The following ZNF608 variants were observed in gnomAD, a reference collection of about 807,000 sequenced individuals.
ZNF608 encodes the protein zinc finger protein 608, also known as renal carcinoma antigen NY-REN-36.
Under a neutral mutation model 109.0 loss-of-function variants are expected in ZNF608, and 12 were observed. The observed-to-expected ratio is 0.11, with a 90% CI of 0.07 to 0.18. The LOEUF is 0.18. ZNF608 is among the 10% of genes least tolerant of loss of function. The pLI is 1.00. For synonymous variants in ZNF608, 732 were observed against 717.4 expected (o/e 1.02, Z -0.33); for missense variants, 1,707 against 1,879.3 (o/e 0.91, Z 1.70).
chr5:124,683,072 T>C (rs28657024), intron 3 of ZNF608, among the ~76,000 whole-genome samples: 20,537 of 152,128 alleles, frequency 0.13, 1,533 homozygotes, highest in Non-Finnish European at 0.17. Flanking sequence ...GGAAGCAAGC[T>C]GCCATGTTGT....
At chr5:124,735,032 T>A (rs1217202220) in intron 2 of ZNF608, 1 of 152,198 alleles carries the variant, frequency 6.6e-6, no homozygotes, top group Non-Finnish European at 1.5e-5. Context: ...CCCAGTATAT[T>A]CGGCTTTCGG....
At chr5:124,643,386 A>T in intron 7 of ZNF608, 125 bp downstream of exon 7, 1 of 893,638 alleles carries the variant, frequency 1.1e-6, no homozygotes, top group East Asian at 2.5e-5. Context: ...ACGTATTAGG[A>T]TAAAACAGCA....
At chr5:124,746,062 A>G in intron 1 of ZNF608, 133 bp downstream of exon 1, 1 of 952,132 alleles carries the variant, frequency 1.1e-6, no homozygotes, top group Non-Finnish European at 1.3e-6. Context: ...AATGACCGCA[A>G]ATGAGTGTGT....
chr5:124,742,868 A>G (rs1749470953), intron 2 of ZNF608, among the ~76,000 whole-genome samples: 1 of 152,208 alleles, frequency 6.6e-6, no homozygotes. Context: ...ATCGCCAACT[A>G]TAGCAAAAAA....
At chr5:124,748,481 A>C (rs930173242), upstream of ZNF608, 1 of 955,968 alleles carries the variant, frequency 1.0e-6, no homozygotes, top group Non-Finnish European at 1.2e-6. Flanking sequence ...ATTCCCCTGC[A>C]TGAAGTCCCC....
In ZNF608 at chr5:124,728,514, T is replaced by C. The variant is rs370625689; in HGVS notation, c.906+15570A>G. Among the ~76,000 whole-genome samples, 13 of 152,262 alleles carry C rather than the reference T, an allele frequency of 8.5e-5. No individual in the cohort carries two copies. In the South Asian group the frequency reaches 1.2e-3, roughly 15 times the overall value. ...ACAGGAAGCACCTTCTCTTGACCTA[T>C]CTTACGCAGATTTTCCATAATCTGA... On this transcript the variant is annotated intron_variant, in intron 2 of 9. Coordinates refer to ENST00000513986, the MANE Select transcript of ZNF608 (RefSeq NM_020747.3).
rs1463229188 is a variant in ZNF608 at position 124,637,378 on chromosome 5, A to G, written c.*522T>C. 1 of 152,628 alleles carries G rather than the reference A, an allele frequency of 6.6e-6. No individual in the cohort carries two copies. Among genetic ancestry groups the G allele is most frequent in the Non-Finnish European group, 1.5e-5 (1 of 68,036 alleles). The allele number at this position is 152,628 out of a possible 1,614,324, so 9.5% of individuals were successfully genotyped here. A position where few individuals can be genotyped will look rare whatever the true frequency, so the allele number is the denominator to read the frequency against. The stretch of plus-strand genomic sequence containing the variant: ...GGTGCGTCTTTAACAGGAGCCACCA[A>G]ATAGACATCTAAATTGTACCAAAGT... On this transcript the variant is annotated 3_prime_UTR_variant, in exon 10 of 10. Transcript: ENST00000513986.
At chr5:124,703,603 T>A (rs1025904346) in intron 2 of ZNF608, among the ~76,000 whole-genome samples, 1 of 151,954 alleles carries the variant, frequency 6.6e-6, no homozygotes, top group African/African-American at 2.4e-5. Flanking sequence ...CCCATCCCTA[T>A]AAAAAAGTAT....
chr5:124,691,478 T>A (rs1217200998), intron 3 of ZNF608, among the ~76,000 whole-genome samples: 2 of 152,200 alleles, frequency 1.3e-5, no homozygotes, highest in African/African-American at 4.8e-5. Flanking sequence ...ACAATTCCAC[T>A]TCTGAGTTAT....
rs928114122 is a variant in ZNF608, at chr5:124,744,787, G to A, written c.203C>T (p.Pro68Leu). Residue 68 changes from proline to leucine, a missense_variant, in exon 2 of 10, where the codon CCG (proline) becomes CTG (leucine). Around this residue, in one of 7 missense-constraint regions of ZNF608, gnomAD observed 407 missense variants for 398.7 expected, o/e 1.02. Transcript: ENST00000513986. This position sits in a 1 kb window ranked among gnomAD's most constrained non-coding sequence, Gnocchi z 4.5. ...GGTAGCACCAGCCCCACTGGAGGCC[G>A]GACCTCCACAATCCTTGGAGTTGCT... ...SSSNSKDCGG[P>L]ASSGAGATAA... is the part of the protein sequence containing the mutation. 1 of 1,614,192 alleles carries A rather than the reference G, an allele frequency of 6.2e-7. No individual in the cohort carries two copies. The highest frequency in any genetic ancestry group is 2.2e-5 in the East Asian group (1 of 44,884).
intron 8 of ZNF608, among the ~76,000 whole-genome samples, chr5:124,640,036 C>A (rs1289378852): frequency 1.3e-5 from 2 of 152,074 alleles, no homozygotes; most frequent in African/African-American, 4.8e-5. Flanking sequence ...TCTTATTACA[C>A]TCAATACAAA....
At chr5:124,743,974 C>G in intron 2 of ZNF608, 110 bp downstream of exon 2, 2 of 1,451,054 alleles carry the variant, frequency 1.4e-6, no homozygotes, top group Non-Finnish European at 1.8e-6. Flanking sequence ...AGAAATCTCA[C>G]AAAGAACCAG....
chr5:124,652,347 C>G (rs1486032872), intron 3 of ZNF608, among the ~76,000 whole-genome samples: 1 of 152,124 alleles, frequency 6.6e-6, no homozygotes, highest in South Asian at 2.1e-4. Context: ...AATAAGTAAC[C>G]CTTATTTTTC....
intron 3 of ZNF608, among the ~76,000 whole-genome samples, chr5:124,661,335 C>T (rs906193929): frequency 2.6e-5 from 4 of 152,138 alleles, no homozygotes; most frequent in African/African-American, 9.7e-5. Context: ...TGCAGCAAGG[C>T]TCTGGGGATG....
chr5:124,681,768 A>G (rs1201918742), intron 3 of ZNF608, among the ~76,000 whole-genome samples: 1 of 152,230 alleles, frequency 6.6e-6, no homozygotes, highest in Non-Finnish European at 1.5e-5. Context: ...CTCATGCTAA[A>G]GGATGGCATT....
intron 3 of ZNF608, among the ~76,000 whole-genome samples, chr5:124,700,086 A>C (rs562747545): frequency 1.4e-4 from 22 of 152,298 alleles, no homozygotes; most frequent in African/African-American, 4.8e-4. Context: ...ACAGAGAAAA[A>C]AAAGTTCCCC....
At chr5:124,671,103 C>T (rs1412918516) in intron 3 of ZNF608, among the ~76,000 whole-genome samples, 2 of 152,094 alleles carry the variant, frequency 1.3e-5, no homozygotes, top group East Asian at 1.9e-4. Context: ...TGGAGATCTC[C>T]GTGAATGGAA....
chr5:124,640,699 C>T (rs1248451408), intron 8 of ZNF608, among the ~76,000 whole-genome samples: 2 of 152,300 alleles, frequency 1.3e-5, no homozygotes, highest in South Asian at 4.1e-4. Flanking sequence ...TGAAGATTCC[C>T]TCATATCAAT....
rs757610451 is a variant in ZNF608 at position 124,649,708 on chromosome 5, C to T, written c.1163-11G>A. The T allele has an allele frequency of 6.4e-7, 1 of 1,553,156 alleles. No homozygotes were observed. The highest frequency in any genetic ancestry group is 1.2e-5 in the South Asian group (1 of 83,752). Reference sequence around the variant, plus strand: ...TGACCACTAGGACACCTGCAGGAGGCAGGGGATGAAAAAGGATCATAGTTA... The same window carrying T: ...TGACCACTAGGACACCTGCAGGAGGTAGGGGATGAAAAAGGATCATAGTTA... On this transcript the variant is annotated splice_polypyrimidine_tract_variant and intron_variant, in intron 3 of 9. Coordinates refer to ENST00000513986, the MANE Select transcript of ZNF608 (RefSeq NM_020747.3).
Sources: gnomAD v4.1 joint callset for allele counts (sites outside exome capture counted in the v4.1 genomes callset) on GRCh38, gnomAD v4.1.1 for gene constraint, gnomAD v4.1.1 regional missense constraint, Gnocchi (gnomAD v3.1) non-coding constraint, MANE v1.5 for transcripts, NCBI Gene and HGNC (gene_info 2026-07-23, HGNC 2026-07-21) for gene names.